The following ZFYVE26 variants were observed in gnomAD, a reference collection of about 807,000 sequenced individuals.
ZFYVE26 encodes zinc finger FYVE-type containing 26.
A neutral mutation model predicts 276.5 loss-of-function variants in ZFYVE26; 181 were observed. The ratio of observed to expected loss-of-function variants is 0.65; its 90% CI spans 0.58 to 0.74. The LOEUF is 0.74. Among genes scored for constraint, ZFYVE26 ranks in the 30% least tolerant of loss-of-function variants. The probability of loss-of-function intolerance (pLI) is 0.00; values close to 1 mark genes in which losing one functional copy is unlikely to be tolerated. For synonymous variants in ZFYVE26, 1,129 were observed against 1,203.1 expected (o/e 0.94, Z 1.27); for missense variants, 2,821 against 3,097.9 (o/e 0.91, Z 2.12).
intron 27 of ZFYVE26, among the ~76,000 whole-genome samples, chr14:67,773,632 C>T (rs935137466): frequency 5.9e-5 from 9 of 151,282 alleles, no homozygotes; most frequent in African/African-American, 2.2e-4. Flanking sequence ...ATGCATGAAG[C>T]TGCTCATATA....
At chr14:67,779,941 G>A (rs761429629) in intron 23 of ZFYVE26, among the ~76,000 whole-genome samples, 3 of 151,840 alleles carry the variant, frequency 2.0e-5, no homozygotes, top group Non-Finnish European at 2.9e-5. Flanking sequence ...GTGCGATCTC[G>A]GCTCACTGCA....
intron 35 of ZFYVE26, among the ~76,000 whole-genome samples, chr14:67,756,576 A>C (rs886703612): frequency 5.9e-5 from 9 of 152,182 alleles, no homozygotes; most frequent in African/African-American, 2.2e-4. Context: ...AAGCCTTTTA[A>C]AAATAATTGA....
chr14:67,739,294 C>T (rs1955467), intron 13 of ZFYVE26, among the ~76,000 whole-genome samples: 147,690 of 152,236 alleles, frequency 0.97, 71,774 homozygotes, highest in East Asian at 1. Context: ...CTAGCGCACA[C>T]GCCGAGGGTG....
chr14:67,799,743 A>G (rs1594932029), intron 10 of ZFYVE26: 2 of 704,132 alleles, frequency 2.8e-6, no homozygotes, highest in East Asian at 5.0e-5. Context: ...TTTCAGATTG[A>G]CTAGGCCAAG....
At chr14:67,809,408 CTTTTTTTTTTTTT>C (rs10580613) in intron 3 of ZFYVE26, 119 bp from the exon 4 acceptor site, 2 of 213,442 alleles carry the variant, frequency 9.4e-6, no homozygotes, top group East Asian at 1.1e-4. Flanking sequence ...ATGAAGCACT[CTTTTTTTTTTTTT>C]TTTTTTTTTT....
At chr14:67,757,725 C>CT (rs1157711819) in intron 35 of ZFYVE26, among the ~76,000 whole-genome samples, 2 of 140,310 alleles carry the variant, frequency 1.4e-5, no homozygotes, top group Non-Finnish European at 3.1e-5. Flanking sequence ...CTTTCTTTTT[C>CT]TTTTTTTAAG....
chr14:67,751,862 A>G (rs898523007), intron 40 of ZFYVE26, among the ~76,000 whole-genome samples: 2 of 97,740 alleles, frequency 2.0e-5, no homozygotes, highest in Admixed American at 2.5e-4. Context: ...ACTCTGTCTC[A>G]AAAAAAAAAA....
In ZFYVE26 at chr14:67,798,466, T is replaced by C. The variant is rs2040007347; in HGVS notation, c.1796A>G (p.Tyr599Cys). The C allele has an allele frequency of 1.2e-6, 2 of 1,614,038 alleles. No homozygotes were observed. Among genetic ancestry groups the C allele is most frequent in the Non-Finnish European group, 1.7e-6 (2 of 1,180,032 alleles). ...LHPEPHLPED[Y>C]AEDDDIEGKS... Reference sequence around the variant, plus strand: ...CCCCTCAATGTCATCATCCTCAGCATAGTCCTCAGGCAAGTGAGGCTCTGG... The same window carrying C: ...CCCCTCAATGTCATCATCCTCAGCACAGTCCTCAGGCAAGTGAGGCTCTGG... The change falls in exon 11 of 42, where the codon TAT (tyrosine) becomes TGT (cysteine). Residue 599 changes from tyrosine (Y) to cysteine (C), a missense_variant. Physicochemically the swap from Tyr to Cys is radical, Grantham distance 194 (BLOSUM62 -2). Coordinates refer to ENST00000347230, the MANE Select transcript of ZFYVE26 (RefSeq NM_015346.4).
chr14:67,768,647 A>G, intron 29 of ZFYVE26, 99 bp from the exon 30 acceptor site: 4 of 1,138,570 alleles, frequency 3.5e-6, no homozygotes, highest in Non-Finnish European at 5.3e-6. Flanking sequence ...TCCCTGGTAC[A>G]ATGGAGGGCT....
At chr14:67,790,800 C>T in intron 14 of ZFYVE26, 27 bp from the exon 15 acceptor site, 4 of 1,589,756 alleles carry the variant, frequency 2.5e-6, no homozygotes, top group Non-Finnish European at 3.5e-6. Flanking sequence ...AGTGTGTGGG[C>T]CCTGGTGGTC....
At chr14:67,810,268 G>A (rs564877483) in intron 3 of ZFYVE26, among the ~76,000 whole-genome samples, 4 of 152,186 alleles carry the variant, frequency 2.6e-5, no homozygotes, top group African/African-American at 9.6e-5. Context: ...CCCAGTTGTG[G>A]GTAAGCCTGG....
At chr14:67,749,408 C>T (rs556397760) in intron 41 of ZFYVE26, among the ~76,000 whole-genome samples, 111 of 152,188 alleles carry the variant, frequency 7.3e-4, no homozygotes, top group Middle Eastern at 3.4e-3. Flanking sequence ...GTCCCAGGAT[C>T]GCTATCTCAT....
At chr14:67,757,147 G>A (rs571911755) in intron 35 of ZFYVE26, among the ~76,000 whole-genome samples, 2 of 152,076 alleles carry the variant, frequency 1.3e-5, no homozygotes, top group African/African-American at 4.8e-5. Flanking sequence ...TGCCATCATC[G>A]TTTGTCTGGA....
chr14:67,729,316 G>C, exon 14 of ZFYVE26: 1 of 1,600,436 alleles, frequency 6.2e-7, no homozygotes, highest in East Asian at 2.2e-5. Context: ...ACGGGAGGGG[G>C]CGCAGACCAG....
chr14:67,801,335 C>T (rs945644374), intron 10 of ZFYVE26, among the ~76,000 whole-genome samples: 1 of 152,112 alleles, frequency 6.6e-6, no homozygotes, highest in African/African-American at 2.4e-5. Flanking sequence ...TGTTCCTCAT[C>T]CCTGATAAGG....
At chr14:67,768,572 A>G (rs1247766060) in intron 29 of ZFYVE26, 24 bp from the exon 30 acceptor site, 7 of 1,613,270 alleles carry the variant, frequency 4.3e-6, no homozygotes, top group South Asian at 1.1e-5. Context: ...AAGAAAAATT[A>G]TTAAATAAAT....
At position 67,761,293 on chromosome 14, in the gene ZFYVE26, C is replaced by T. The variant is rs190932916; in HGVS notation, c.6588+73G>A. ...GTTAAGTGTCAGGGGGTTATTGTCCCGCTTAAGGCTGAGTGGTCCAAGCCA... is the reference window on the plus strand; with the variant it reads ...GTTAAGTGTCAGGGGGTTATTGTCCTGCTTAAGGCTGAGTGGTCCAAGCCA... On this transcript the variant is annotated intron_variant, in intron 35 of 41. Transcript: ENST00000347230. 1.7e-4 allele frequency: 237 copies of T among 1,403,642 alleles called. No homozygotes were observed. In the African/African-American group the frequency reaches 2.7e-3, roughly 16 times the overall value. The allele number at this position is 1,403,642 out of a possible 1,614,324, so 86.9% of individuals were successfully genotyped here. A position where few individuals can be genotyped will look rare whatever the true frequency, so the allele number is the denominator to read the frequency against.
In ZFYVE26 at chr14:67,752,391, T is replaced by C; in HGVS notation, c.7324A>G (p.Thr2442Ala). The change falls in exon 40 of 42, where the codon ACC becomes GCC. Residue 2442 changes from threonine to alanine, a missense_variant. Physicochemically the swap from Thr to Ala is moderately conservative, Grantham distance 58 (BLOSUM62 0). Transcript: ENST00000347230. ...GCTTCCAGGCAGTTGAGGAGGATGGTGTCCCCGTCACTTTTGGCTGCCATG... is the reference window on the plus strand; with the variant it reads ...GCTTCCAGGCAGTTGAGGAGGATGGCGTCCCCGTCACTTTTGGCTGCCATG... ...SGMAAKSDGD[T>A]ILLNCLEAFK... 1 of 1,612,782 alleles carries C rather than the reference T, an allele frequency of 6.2e-7. No individual in the cohort carries two copies. The highest frequency in any genetic ancestry group is 2.2e-5 in the East Asian group (1 of 44,868).
intron 27 of ZFYVE26, among the ~76,000 whole-genome samples, chr14:67,773,917 G>A (rs2039276460): frequency 6.6e-6 from 1 of 152,160 alleles, no homozygotes; most frequent in Non-Finnish European, 1.5e-5. Context: ...GTAGGCCATT[G>A]TGTGGGGGCT....
Sources: gnomAD v4.1 joint callset for allele counts (sites outside exome capture counted in the v4.1 genomes callset) on GRCh38, gnomAD v4.1.1 for gene constraint, MANE v1.5 for transcripts, NCBI Gene and HGNC (gene_info 2026-07-23, HGNC 2026-07-21) for gene names.